The following ATP6V1B2 variants were observed in gnomAD, a reference collection of about 807,000 sequenced individuals.
ATP6V1B2 encodes V-type proton ATPase subunit B, brain isoform.
Under a neutral mutation model 66.7 loss-of-function variants are expected in ATP6V1B2, and 23 were observed. The ratio of observed to expected loss-of-function variants is 0.34; its 90% CI spans 0.25 to 0.49. The LOEUF (loss-of-function observed/expected upper bound fraction) is 0.49. Ranked by LOEUF, ATP6V1B2 falls within the 20% of genes least tolerant of loss-of-function variation. The pLI, the probability that ATP6V1B2 is intolerant of heterozygous loss-of-function variation, is 0.99. For synonymous variants in ATP6V1B2, 278 were observed against 236.7 expected (o/e 1.17, Z -1.60); for missense variants, 478 against 650.8 (o/e 0.73, Z 2.89).
rs2072837634 is a variant in ATP6V1B2, at chr8:20,214,943, C to T, written c.1053C>T (p.Ile351=). 6.2e-7 allele frequency: 1 copy of T among 1,613,178 alleles called. No homozygotes were observed. Among genetic ancestry groups the T allele is most frequent in the Non-Finnish European group, 8.5e-7 (1 of 1,179,570 alleles). ...GGAGAAACGGCTCGATTACTCAAAT[C>T]CCTATTCTAACCATGCCTAATGATG... is the stretch of plus-strand genomic sequence containing the variant. ...VEGRNGSITQ[I]PILTMPNDDI... Residue 351 remains isoleucine, a synonymous_variant, in exon 10 of 14, where the codon ATC becomes ATT. Transcript: ENST00000276390.
At chr8:20,197,793 AC>A (rs955529468) in intron 1 of ATP6V1B2, among the ~76,000 whole-genome samples, 22 of 151,450 alleles carry the variant, frequency 1.5e-4, no homozygotes, top group African/African-American at 5.3e-4. Flanking sequence ...CTGTTGCCCT[AC>A]CCCCTCCCCT....
intron 4 of ATP6V1B2, 34 bp from the exon 5 acceptor site, chr8:20,210,535 A>T (rs368483898): frequency 2.5e-6 from 4 of 1,610,624 alleles, no homozygotes; most frequent in Middle Eastern, 1.6e-4. Flanking sequence ...GAAAGTCAGC[A>T]TCTACTCTGT....
rs772205263 is a variant in ATP6V1B2 at position 20,217,238 on chromosome 8, G to A, written c.1180G>A (p.Val394Met). 5 of 1,612,902 alleles carry A rather than the reference G, an allele frequency of 3.1e-6. No homozygotes were observed. The highest frequency in any genetic ancestry group is 2.2e-5 in the East Asian group (1 of 44,850). ...ACCCAAGATTTATCCACCTATCAAT[G>A]TGCTGCCCTCACTATCACGGTTAAT... ...HNRQIYPPIN[V>M]LPSLSRLMKS... Residue 394 changes from valine to methionine, a missense_variant, in exon 12 of 14, where the codon GTG (valine) becomes ATG (methionine). Transcript: ENST00000276390.
intron 9 of ATP6V1B2, chr8:20,213,185 A>T (rs1414804682): frequency 5.5e-6 from 2 of 366,016 alleles, no homozygotes; most frequent in South Asian, 2.5e-5. Context: ...CAAGCTGTTT[A>T]TTCAGTTACT....
chr8:20,210,335 T>A lies in ATP6V1B2; in HGVS notation c.292-11T>A. 6.2e-7 allele frequency: 1 copy of A among 1,603,600 alleles called. No homozygotes were observed. The highest frequency in any genetic ancestry group is 8.5e-7 in the Non-Finnish European group (1 of 1,173,020). ...ACTTCTACCCTTCTCATTAATTCTTTTTCTTGATAGGTATTTGAAGGGACT... is the reference window on the plus strand; with the variant it reads ...ACTTCTACCCTTCTCATTAATTCTTATTCTTGATAGGTATTTGAAGGGACT... On this transcript the variant is annotated splice_polypyrimidine_tract_variant and intron_variant, in intron 3 of 13. Transcript: ENST00000276390.
intron 11 of ATP6V1B2, 111 bp from the exon 12 acceptor site, chr8:20,217,109 G>C: frequency 1.1e-6 from 1 of 870,284 alleles, no homozygotes; most frequent in Middle Eastern, 3.0e-4. Context: ...CAAATGCAGC[G>C]GTTGTCTTTG....
intron 1 of ATP6V1B2, chr8:20,203,948 T>C: frequency 2.2e-6 from 1 of 454,876 alleles, no homozygotes; most frequent in South Asian, 1.6e-5. Flanking sequence ...TTGTGGCTTT[T>C]TACCTTGCAG....
chr8:20,200,959 T>G lies in ATP6V1B2; in HGVS notation c.136+3417T>G, dbSNP rs547619601. On this transcript the variant is annotated intron_variant, in intron 1 of 13. Coordinates refer to ENST00000276390, the MANE Select transcript of ATP6V1B2 (RefSeq NM_001693.4). ...TTATGCAATGGCTGTCAACTTTTTC[T>G]GAGTATTTCGTAATCATTAAATGGT... is the stretch of plus-strand genomic sequence containing the variant. Among the ~76,000 whole-genome samples the G allele has an allele frequency of 1.7e-4, 26 of 152,358 alleles. No individual in the cohort carries two copies. In the East Asian group the frequency reaches 2.3e-3, roughly 14 times the overall value.
In ATP6V1B2 at chr8:20,220,404, TG is replaced by T. The variant is rs141302257; in HGVS notation, c.*3del. On this transcript the variant is annotated 3_prime_UTR_variant, in exon 14 of 14. Transcript: ENST00000276390. ...CCTCGAGACTCTGCAAAGCATTAGC[TG>T]CTGCTTCTGCATTGCTCCGCGCTCT... The T allele has an allele frequency of 5.7e-3, 8,980 of 1,567,034 alleles. 44 individuals carry two copies. Among genetic ancestry groups the T allele is most frequent in the Middle Eastern group, 0.01 (62 of 5,908 alleles).
chr8:20,197,670 C>A, intron 1 of ATP6V1B2, 128 bp downstream of exon 1: 1 of 1,178,178 alleles, frequency 8.5e-7, no homozygotes, highest in Non-Finnish European at 1.1e-6. Context: ...CCCTCCGACC[C>A]TGACCCACTT....
In ATP6V1B2 at chr8:20,220,125, T is replaced by G. The variant is rs1481843251; in HGVS notation, c.1397-138T>G. 8.4e-6 allele frequency: 7 copies of G among 835,812 alleles called. No homozygotes were observed. The East Asian group carries it at 2.3e-4, about 27-fold the overall frequency. 51.8% of individuals were successfully genotyped at this position (835,812 alleles called of 1,614,324 possible). On this transcript the variant is annotated intron_variant, in intron 13 of 13. Coordinates refer to ENST00000276390, the MANE Select transcript of ATP6V1B2 (RefSeq NM_001693.4). ...TGTGCCTTCTTTTCCTCAGTCCTTC[T>G]CATTTAGTCTTGGGAGTCCCAACTT...
intron 2 of ATP6V1B2, among the ~76,000 whole-genome samples, chr8:20,208,913 T>G (rs1237497622): frequency 6.6e-6 from 1 of 152,076 alleles, no homozygotes; most frequent in East Asian, 1.9e-4. Context: ...TTCACCATGT[T>G]GGCCAGGCTG....
chr8:20,214,899 CGCGCT>C lies in ATP6V1B2; in HGVS notation c.1011_1015del (p.Gly339SerfsTer18). 6.2e-7 allele frequency: 1 copy of C among 1,613,566 alleles called. No homozygotes were observed. The highest frequency in any genetic ancestry group is 8.5e-7 in the Non-Finnish European group (1 of 1,179,700). On this transcript the variant is annotated frameshift_variant, in exon 10 of 14. Transcript: ENST00000276390. LOFTEE classifies it high-confidence loss of function. The stretch of plus-strand genomic sequence containing the variant: ...TACAGATTTAGCCACGATATATGAA[CGCGCT>C]GGGCGAGTGGAAGGGAGAAACGGCT...
intron 9 of ATP6V1B2, 136 bp from the exon 10 acceptor site, chr8:20,214,682 T>C: frequency 1.0e-6 from 1 of 982,786 alleles, no homozygotes; most frequent in South Asian, 4.4e-5. Context: ...TTTTTCTAAA[T>C]CATTCTTAAG....
In ATP6V1B2 at chr8:20,197,416, C is replaced by G. The variant is rs766209498; in HGVS notation, c.10C>G (p.Arg4Gly). 21 of 1,541,868 alleles carry G rather than the reference C, an allele frequency of 1.4e-5. No homozygotes were observed. The highest frequency in any genetic ancestry group is 1.8e-5 in the Non-Finnish European group (21 of 1,145,594). Residue 4 changes from arginine to glycine, a missense_variant, in exon 1 of 14, where the codon CGG becomes GGG. By Grantham distance (125) the Arg-to-Gly change is moderately radical. Coordinates refer to ENST00000276390, the MANE Select transcript of ATP6V1B2 (RefSeq NM_001693.4). ...GGACAGAGGAGACAAGATGGCGCTG[C>G]GGGCGATGCGGGGGATTGTCAACGG... The part of the protein sequence containing the change: MAL[R>G]AMRGIVNGAA...
At chr8:20,211,365 T>C in intron 6 of ATP6V1B2, 49 bp downstream of exon 6, 1 of 1,589,110 alleles carries the variant, frequency 6.3e-7, no homozygotes, top group Non-Finnish European at 8.5e-7. Flanking sequence ...CAAGAATTTC[T>C]ATAATGCATC....
Position 20,217,325 on chromosome 8 carries a change from G to C in ATP6V1B2, c.1266+1G>C. 1 of 1,600,122 alleles carries C rather than the reference G, an allele frequency of 6.2e-7. No homozygotes were observed. Among genetic ancestry groups the C allele is most frequent in the Non-Finnish European group, 8.6e-7 (1 of 1,167,496 alleles). Reference sequence around the variant, plus strand: ...TCATGCCGATGTATCTAACCAGCTAGTATGTACATTCTTCTAAGAATGGTG... The same window carrying C: ...TCATGCCGATGTATCTAACCAGCTACTATGTACATTCTTCTAAGAATGGTG... On this transcript the variant is annotated splice_donor_variant, in intron 12 of 13. Transcript: ENST00000276390. LOFTEE classifies it high-confidence loss of function.
In ATP6V1B2 at chr8:20,218,266, G is replaced by GGT; in HGVS notation, c.1380_1381insGT (p.Asn461ValfsTer33). The GGT allele has an allele frequency of 6.2e-7, 1 of 1,613,138 alleles. No individual in the cohort carries two copies. The highest frequency in any genetic ancestry group is 8.5e-7 in the Non-Finnish European group (1 of 1,179,350). ...TGGAATTTCTGCAGAAGTTTGAGAG[G>GGT]AACTTCATTGCTCAGGGTAAGATGA... On this transcript the variant is annotated frameshift_variant, in exon 13 of 14. Coordinates refer to ENST00000276390, the MANE Select transcript of ATP6V1B2 (RefSeq NM_001693.4). LOFTEE classifies it high-confidence loss of function.
chr8:20,199,801 G>A (rs2072666454), intron 1 of ATP6V1B2, among the ~76,000 whole-genome samples: 1 of 151,916 alleles, frequency 6.6e-6, no homozygotes, highest in South Asian at 2.1e-4. Context: ...AGTAGAGACG[G>A]GATTTCACCG....
Sources: allele counts gnomAD v4.1 joint callset (sites outside exome capture counted in the v4.1 genomes callset), GRCh38; gene constraint gnomAD v4.1.1; transcripts MANE v1.5; gene names NCBI Gene and HGNC (gene_info 2026-07-23, HGNC 2026-07-21).